Variants in PLPP1 observed in about 807,000 individuals in gnomAD.
PLPP1 encodes the protein lipid phosphate phosphohydrolase 1a.
Under a neutral mutation model 31.2 loss-of-function variants are expected in PLPP1, and 24 were observed. That is an observed-to-expected ratio of 0.77 (90% CI 0.56 to 1.08). PLPP1 has a LOEUF of 1.08. Ranked by LOEUF, PLPP1 falls within the 50% of genes least tolerant of loss-of-function variation. The pLI, the probability that PLPP1 is intolerant of heterozygous loss-of-function variation, is 0.00. For missense variants in PLPP1, 319 were observed against 342.7 expected, an observed-to-expected ratio of 0.93 and a Z score of 0.55; for synonymous variants, 146 against 126.3, an observed-to-expected ratio of 1.16 and a Z score of -1.05.
chr5:55,530,916 GC>G (rs1740641668), intron 1 of PLPP1, among the ~76,000 whole-genome samples: 2 of 152,186 alleles, frequency 1.3e-5, no homozygotes, highest in African/African-American at 2.4e-5. Context: ...AGCGGCAGCG[GC>G]CCCGATGGTG....
chr5:55,489,733 TAGAG>T (rs898026686), intron 1 of PLPP1, among the ~76,000 whole-genome samples: 1 of 151,798 alleles, frequency 6.6e-6, no homozygotes, highest in African/African-American at 2.4e-5. Context: ...GGAGGCAAAA[TAGAG>T]AGAGAAAAGC....
intron 1 of PLPP1, among the ~76,000 whole-genome samples, chr5:55,510,459 G>T (rs868555245): frequency 2.6e-5 from 4 of 152,322 alleles, no homozygotes; most frequent in Middle Eastern, 3.4e-3. Context: ...TATCTTGATT[G>T]TATCTGGTTA....
In PLPP1 at chr5:55,424,876, A is replaced by G; in HGVS notation, c.*330T>C. 1.3e-6 allele frequency: 1 copy of G among 750,578 alleles called. No individual in the cohort carries two copies. Among genetic ancestry groups the G allele is most frequent in the Non-Finnish European group, 2.3e-6 (1 of 444,414 alleles). The allele number at this position is 750,578 out of a possible 1,614,324, so 46.5% of individuals were successfully genotyped here. A position where few individuals can be genotyped will look rare whatever the true frequency, so the allele number is the denominator to read the frequency against. ...GGATTTGGTTCTCCCATACATTTTA[A>G]TATGTATTATATTTAAATCAAACAT... is the stretch of plus-strand genomic sequence containing the variant. On this transcript the variant is annotated 3_prime_UTR_variant, in exon 6 of 6. Coordinates refer to ENST00000307259, the MANE Select transcript of PLPP1 (RefSeq NM_003711.4).
intron 1 of PLPP1, among the ~76,000 whole-genome samples, chr5:55,528,098 A>T (rs1740533497): frequency 6.6e-6 from 1 of 152,202 alleles, no homozygotes; most frequent in Non-Finnish European, 1.5e-5. Flanking sequence ...CACAGGTATA[A>T]GGAATCAAAG....
At chr5:55,517,276 C>T (rs1346681428) in intron 1 of PLPP1, among the ~76,000 whole-genome samples, 2 of 152,182 alleles carry the variant, frequency 1.3e-5, no homozygotes, top group Non-Finnish European at 2.9e-5. Flanking sequence ...GCAGCCTTGA[C>T]CTTCCCAGGC....
chr5:55,470,479 A>G (rs1336090115), intron 2 of PLPP1, among the ~76,000 whole-genome samples: 1 of 152,222 alleles, frequency 6.6e-6, no homozygotes, highest in Non-Finnish European at 1.5e-5. Context: ...GTTTGCTAGG[A>G]ATATTCAGAA....
At position 55,467,979 on chromosome 5, in the gene PLPP1, C is replaced by T; in HGVS notation, c.381G>A (p.Arg127=). 6.2e-7 allele frequency: 1 copy of T among 1,614,164 alleles called. No individual in the cohort carries two copies. The highest frequency in any genetic ancestry group is 8.5e-7 in the Non-Finnish European group (1 of 1,180,008). ...DIAKYSIGRL[R]PHFLDVCDPD... is the part of the protein sequence containing the mutation. The stretch of plus-strand genomic sequence containing the variant: ...GATCACAAACATCCAAGAAGTGAGG[C>T]CGCAGTCTGCCTATTGAATACTTGG... The change falls in exon 3 of 6, where the codon CGG becomes CGA. Residue 127 remains arginine (R), a synonymous_variant. Coordinates refer to ENST00000307259, the MANE Select transcript of PLPP1 (RefSeq NM_003711.4).
At chr5:55,454,541 A>G (rs1259974422) in intron 3 of PLPP1, among the ~76,000 whole-genome samples, 1 of 152,158 alleles carries the variant, frequency 6.6e-6, no homozygotes, top group Non-Finnish European at 1.5e-5. Flanking sequence ...AGGGGCTATT[A>G]TTGGTTTTCT....
rs374359769 is a variant in PLPP1 at position 55,479,335 on chromosome 5, T to C, written c.59-3885A>G. ...AGCCAGTGTGCCTAGCCAAGATGTA[T>C]TGAATCAATGTCATTACCCAGTGCC... On this transcript the variant is annotated intron_variant, in intron 1 of 5. Transcript: ENST00000307259. Among the ~76,000 whole-genome samples the C allele has an allele frequency of 2.6e-5, 4 of 152,150 alleles. No individual in the cohort carries two copies. In the East Asian group the frequency reaches 5.8e-4, roughly 22 times the overall value.
intron 1 of PLPP1, among the ~76,000 whole-genome samples, chr5:55,483,347 A>G (rs1752708718): frequency 6.6e-6 from 1 of 152,142 alleles, no homozygotes; most frequent in Admixed American, 6.6e-5. Flanking sequence ...TAACACACAA[A>G]CAACATCAGT....
chr5:55,426,014 C>G lies in PLPP1; in HGVS notation c.575G>C (p.Gly192Ala), dbSNP rs767564371. Residue 192 changes from glycine to alanine, a missense_variant, in exon 5 of 6, where the codon GGA (glycine) becomes GCA (alanine). Gly to Ala is a moderately conservative substitution (Grantham distance 60). Transcript: ENST00000307259. ...GGGGCGTAAGAGTCTTGCCCAGTCT[C>G]CCTTCATCCTGGCTTGAAGATAAAG... ...VALYLQARMK[G>A]DWARLLRPTL... is the part of the protein sequence containing the mutation. 1.2e-6 allele frequency: 2 copies of G among 1,603,232 alleles called. No individual in the cohort carries two copies. Among genetic ancestry groups the G allele is most frequent in the Non-Finnish European group, 1.7e-6 (2 of 1,177,234 alleles).
chr5:55,532,802 C>CTA lies in PLPP1; in HGVS notation c.58+1769_58+1770insTA, dbSNP rs541526934. ...TGAAACCCCGTCTCTACTAAAAATA[C>CTA]GAAAGTTAGCCGGGCATGGTGGTAT... On this transcript the variant is annotated intron_variant, in intron 1 of 5. Coordinates refer to ENST00000307259, the MANE Select transcript of PLPP1 (RefSeq NM_003711.4). Among the ~76,000 whole-genome samples the CTA allele has an allele frequency of 1.2e-3, 183 of 151,892 alleles. 1 individual carries two copies. The highest frequency in any genetic ancestry group is 6.9e-4 in the Non-Finnish European group (47 of 67,942).
intron 3 of PLPP1, among the ~76,000 whole-genome samples, chr5:55,454,359 G>A (rs1340748276): frequency 6.6e-6 from 1 of 152,104 alleles, no homozygotes; most frequent in Non-Finnish European, 1.5e-5. Context: ...TCTCCCAGAA[G>A]AGTGGCATTA....
At position 55,434,766 on chromosome 5, in the gene PLPP1, T is replaced by C. The variant is rs1751453548; in HGVS notation, c.549+7085A>G. Among the ~76,000 whole-genome samples, 4 of 152,258 alleles carry C rather than the reference T, an allele frequency of 2.6e-5. No individual in the cohort carries two copies. The South Asian group carries it at 8.3e-4, about 32-fold the overall frequency. ...ACCCCTATCTCTCAAGTAAGTTGGA[T>C]TACAGACTTAAATGTAAGACCTGAA... On this transcript the variant is annotated intron_variant, in intron 4 of 5. Coordinates refer to ENST00000307259, the MANE Select transcript of PLPP1 (RefSeq NM_003711.4).
At chr5:55,491,848 A>G (rs1752895964) in intron 1 of PLPP1, among the ~76,000 whole-genome samples, 1 of 126,604 alleles carries the variant, frequency 7.9e-6, no homozygotes, top group Non-Finnish European at 1.6e-5. Context: ...ACAGAGCAAG[A>G]CTCAATCTCA....
At chr5:55,492,288 T>A (rs1352534073) in intron 1 of PLPP1, among the ~76,000 whole-genome samples, 3 of 152,206 alleles carry the variant, frequency 2.0e-5, no homozygotes, top group African/African-American at 7.2e-5. Flanking sequence ...CCCAGTAAAT[T>A]GTTTAAAAAC....
At position 55,518,307 on chromosome 5, in the gene PLPP1, T is replaced by C. The variant is rs190636655; in HGVS notation, c.58+16265A>G. Among the ~76,000 whole-genome samples, 16 of 152,098 alleles carry C rather than the reference T, an allele frequency of 1.1e-4. No homozygotes were observed. In the East Asian group the frequency reaches 2.7e-3, roughly 26 times the overall value. On this transcript the variant is annotated intron_variant, in intron 1 of 5. Coordinates refer to ENST00000307259, the MANE Select transcript of PLPP1 (RefSeq NM_003711.4). ...TTCTGATTCATTAAATCAGGTAATT[T>C]GAAAAATTACTCTGGGTTAGTCTCA...
At position 55,458,292 on chromosome 5, in the gene PLPP1, TAAG is replaced by T. The variant is rs1006616817; in HGVS notation, c.491+9574_491+9576del. On this transcript the variant is annotated intron_variant, in intron 3 of 5. Coordinates refer to ENST00000307259, the MANE Select transcript of PLPP1 (RefSeq NM_003711.4). ...AAGCTTGGATATTTATGCCAGAAAA[TAAG>T]AAGATAGTTAACTCCCAGGTTAATC... Among the ~76,000 whole-genome samples, 8 of 152,080 alleles carry T rather than the reference TAAG, an allele frequency of 5.3e-5. No individual in the cohort carries two copies. In the East Asian group the frequency reaches 9.7e-4, roughly 18 times the overall value.
intron 3 of PLPP1, among the ~76,000 whole-genome samples, chr5:55,457,758 G>A (rs6887175): frequency 0.85 from 129,099 of 151,818 alleles, 55,221 homozygotes; most frequent in Admixed American, 0.92. Context: ...ACGTGGTGGC[G>A]GGCGCCTGTA....
Sources: gnomAD v4.1 joint callset for allele counts (sites outside exome capture counted in the v4.1 genomes callset) on GRCh38, gnomAD v4.1.1 for gene constraint, MANE v1.5 for transcripts, NCBI Gene and HGNC (gene_info 2026-07-23, HGNC 2026-07-21) for gene names.